GPRIN2: variants seen among roughly 807,000 people sequenced by gnomAD.
GPRIN2 encodes G protein-regulated inducer of neurite outgrowth 2.
Under a neutral mutation model 0.3 loss-of-function variants are expected in GPRIN2, and 1 was observed. The observed-to-expected ratio is 3.90, with a 90% CI of 1.39 to 18.51. The LOEUF is 18.51. Among genes scored for constraint, GPRIN2 ranks in the 30% most tolerant of loss-of-function variants. GPRIN2 has a pLI of 0.11. For synonymous variants in GPRIN2, 361 were observed against 258.6 expected (o/e 1.40, Z -3.80); for missense variants, 880 against 604.2 (o/e 1.46, Z -4.79).
intron 1 of GPRIN2, among the ~76,000 whole-genome samples, chr10:46,556,168 T>G (rs1831850005): frequency 0.84 from 127,958 of 151,768 alleles, 52,075 homozygotes; most frequent in East Asian, 0.95. Flanking sequence ...GGCGGCGCAG[T>G]AGGCTGAGGG....
intron 2 of GPRIN2, among the ~76,000 whole-genome samples, chr10:46,552,492 G>A (rs1832121157): frequency 1.0e-3 from 158 of 152,306 alleles, no homozygotes; most frequent in African/African-American, 3.7e-3. Context: ...AGGGCTGTGG[G>A]ACTCGGTTTC....
rs1441282019 is a variant in GPRIN2 at position 46,546,187 on chromosome 10, G to C, written c.*3173C>G. The stretch of plus-strand genomic sequence containing the variant: ...TGAGTTTCTTGTGACAGTGATGGCA[G>C]CCTGGGGCCAGACAAGGGATGCGTG... On this transcript the variant is annotated 3_prime_UTR_variant, in exon 3 of 3. Coordinates refer to ENST00000374314, the MANE Select transcript of GPRIN2 (RefSeq NM_001385282.1). Among the ~76,000 whole-genome samples the C allele has an allele frequency of 5.9e-5, 9 of 152,292 alleles. No homozygotes were observed. Among genetic ancestry groups the C allele is most frequent in the African/African-American group, 2.2e-4 (9 of 41,472 alleles).
In GPRIN2 at chr10:46,547,138, C is replaced by T. The variant is rs1170865336; in HGVS notation, c.*2222G>A. 6.6e-6 allele frequency among the ~76,000 whole-genome samples: 1 copy of T among 152,306 alleles called. No individual in the cohort carries two copies. Among genetic ancestry groups the T allele is most frequent in the Admixed American group, 6.5e-5 (1 of 15,292 alleles). On this transcript the variant is annotated 3_prime_UTR_variant, in exon 3 of 3. Coordinates refer to ENST00000374314, the MANE Select transcript of GPRIN2 (RefSeq NM_001385282.1). ...TTGACCCAGGTAGTGGCCTCACCCT[C>T]CTCTTGCTCAAACTGGAAACCTCAG... is the stretch of plus-strand genomic sequence containing the variant.
chr10:46,546,388 G>T lies in GPRIN2; in HGVS notation c.*2972C>A, dbSNP rs1832904424. On this transcript the variant is annotated 3_prime_UTR_variant, in exon 3 of 3. Transcript: ENST00000374314. ...TGAGGCAAGGGGCTCTAGGACTCCA[G>T]GGTTTATGCTCCAAAGAACAGAATT... Among the ~76,000 whole-genome samples the T allele has an allele frequency of 4.6e-5, 7 of 152,378 alleles. No individual in the cohort carries two copies. Among genetic ancestry groups the T allele is most frequent in the Middle Eastern group, 3.4e-3 (1 of 294 alleles).
chr10:46,551,012 G>A (rs1832223670), intron 2 of GPRIN2, among the ~76,000 whole-genome samples: 1 of 152,426 alleles, frequency 6.6e-6, no homozygotes, highest in South Asian at 2.1e-4. Flanking sequence ...GTGGGGTCCT[G>A]GAGGCCGCCA....
In GPRIN2 at chr10:46,549,974, T is replaced by G. The variant is rs1832533496; in HGVS notation, c.763A>C (p.Ile255Leu). 2.5e-6 allele frequency: 4 copies of G among 1,614,242 alleles called. No homozygotes were observed. The highest frequency in any genetic ancestry group is 3.4e-6 in the Non-Finnish European group (4 of 1,180,050). Residue 255 changes from isoleucine (I) to leucine (L), a missense_variant, in exon 3 of 3, where the codon ATC becomes CTC. Physicochemically the swap from Ile to Leu is conservative, Grantham distance 5. Coordinates refer to ENST00000374314, the MANE Select transcript of GPRIN2 (RefSeq NM_001385282.1). ...GCCHALPATGILAFPKLVASV... is the reference protein window; with the variant it reads ...GCCHALPATGLLAFPKLVASV... The stretch of plus-strand genomic sequence containing the variant: ...GCCACTAGTTTGGGAAAGGCCAGGA[T>G]CCCTGTGGCAGGTAGGGCATGGCAG...
Position 46,550,552 on chromosome 10 carries a change from G to A in GPRIN2, c.185C>T (p.Pro62Leu), listed in dbSNP as rs1772249329. The A allele has an allele frequency of 8.8e-6, 14 of 1,587,174 alleles. No homozygotes were observed. Among genetic ancestry groups the A allele is most frequent in the Middle Eastern group, 1.7e-4 (1 of 5,944 alleles). The change falls in exon 3 of 3, where the codon CCG becomes CTG. Residue 62 changes from proline to leucine, a missense_variant. Pro to Leu is a moderately conservative substitution (Grantham distance 98). Transcript: ENST00000374314. ...LGEASTRPQA[P>L]EEEGNPPESM... The stretch of plus-strand genomic sequence containing the variant: ...CTCAGGCGGGTTCCCCTCTTCCTCC[G>A]GGGCCTGGGGTCTGGTGCTGGCCTC...
In GPRIN2 at chr10:46,544,455, C is replaced by G. The variant is rs1841986558; in HGVS notation, c.*4905G>C. ...CTTCCCACCTCAACCCCCTGAGTAGCTGAGGCTACAGATGCACACCACCAT... is the reference window on the plus strand; with the variant it reads ...CTTCCCACCTCAACCCCCTGAGTAGGTGAGGCTACAGATGCACACCACCAT... On this transcript the variant is annotated 3_prime_UTR_variant, in exon 3 of 3. Transcript: ENST00000374314. Among the ~76,000 whole-genome samples the G allele has an allele frequency of 6.6e-6, 1 of 152,310 alleles. No homozygotes were observed. Among genetic ancestry groups the G allele is most frequent in the South Asian group, 2.1e-4 (1 of 4,838 alleles).
At chr10:46,554,087 C>T (rs1842906269) in intron 2 of GPRIN2, among the ~76,000 whole-genome samples, 1 of 152,310 alleles carries the variant, frequency 6.6e-6, no homozygotes, top group African/African-American at 2.4e-5. Flanking sequence ...AAATAAATCC[C>T]CACCCTGCAG....
In GPRIN2 at chr10:46,549,127, G is replaced by A. The variant is rs1381651739; in HGVS notation, c.*233C>T. ...CTAAAGCCCTGTCTCAAAGTTCAGA[G>A]CCCGGAAGGTGCAGAGATGTGGCCC... On this transcript the variant is annotated 3_prime_UTR_variant, in exon 3 of 3. Transcript: ENST00000374314. 5 of 507,402 alleles carry A rather than the reference G, an allele frequency of 9.9e-6. No individual in the cohort carries two copies. Among genetic ancestry groups the A allele is most frequent in the Non-Finnish European group, 1.7e-5 (5 of 293,658 alleles). 31.4% of individuals were successfully genotyped at this position (507,402 alleles called of 1,614,324 possible).
chr10:46,550,675 A>C lies in GPRIN2; in HGVS notation c.62T>G (p.Leu21Arg). Residue 21 changes from leucine to arginine, a missense_variant, in exon 3 of 3, where the codon CTG becomes CGG. Leu to Arg is a moderately radical substitution (Grantham distance 102, BLOSUM62 -2). Transcript: ENST00000374314. ...WAPLSPRLQP[L>R]SQSSSSLLGE... ...CAGCAGGCTGGAAGAGCTCTGGGAC[A>C]GGGGCTGAAGGCGGGGGCTCAGGGG... The C allele has an allele frequency of 6.6e-7, 1 of 1,520,292 alleles. No individual in the cohort carries two copies. Among genetic ancestry groups the C allele is most frequent in the Non-Finnish European group, 8.8e-7 (1 of 1,136,952 alleles). 94.2% of individuals were successfully genotyped at this position (1,520,292 alleles called of 1,614,324 possible). A position where few individuals can be genotyped will look rare whatever the true frequency, so the allele number is the denominator to read the frequency against.
rs1250295561 is a variant in GPRIN2, at chr10:46,549,637, G to A, written c.1100C>T (p.Thr367Ile). ...PAALHVFPEV[T>I]LGSSLEEVPS... is the part of the protein sequence containing the mutation. ...CACCTCCTCCAGGCTGGACCCCAGA[G>A]TTACCTCTGGGAACACATGCAGGGC... The change falls in exon 3 of 3, where the codon ACT (threonine) becomes ATT (isoleucine). Residue 367 changes from threonine (T) to isoleucine (I), a missense_variant. By Grantham distance (89) the Thr-to-Ile change is moderately conservative (BLOSUM62 -1). Coordinates refer to ENST00000374314, the MANE Select transcript of GPRIN2 (RefSeq NM_001385282.1). 2 of 1,614,140 alleles carry A rather than the reference G, an allele frequency of 1.2e-6. No individual in the cohort carries two copies. The highest frequency in any genetic ancestry group is 1.7e-6 in the Non-Finnish European group (2 of 1,180,032).
At position 46,549,001 on chromosome 10, in the gene GPRIN2, G is replaced by A. The variant is rs1832772978; in HGVS notation, c.*359C>T. On this transcript the variant is annotated 3_prime_UTR_variant, in exon 3 of 3. Coordinates refer to ENST00000374314, the MANE Select transcript of GPRIN2 (RefSeq NM_001385282.1). ...TTTCTCAGCACTGATTTCAAATAAAGCCACCAAGAGTCTGACGAGGCAACA... is the reference window on the plus strand; with the variant it reads ...TTTCTCAGCACTGATTTCAAATAAAACCACCAAGAGTCTGACGAGGCAACA... 1.5e-4 allele frequency: 51 copies of A among 338,540 alleles called. No homozygotes were observed. Among genetic ancestry groups the A allele is most frequent in the African/African-American group, 9.7e-4 (46 of 47,192 alleles). 21.0% of individuals were successfully genotyped at this position (338,540 alleles called of 1,614,324 possible).
At chr10:46,557,084 G>C (rs1043912979), upstream of GPRIN2, among the ~76,000 whole-genome samples, 1 of 147,684 alleles carries the variant, frequency 6.8e-6, no homozygotes, top group East Asian at 2.1e-4. Flanking sequence ...TCTCCGCGCC[G>C]GCGGCTACCC....
Position 46,556,511 on chromosome 10 carries a change from G to T in GPRIN2, c.-131C>A. On this transcript the variant is annotated 5_prime_UTR_variant, in exon 1 of 3. Transcript: ENST00000374314. ...CCAGCCTCTCACCCTCTCGCCCGCC[G>T]GGGCCGCGCAGGCGGGGGAAGCGCT... Among the ~76,000 whole-genome samples the T allele has an allele frequency of 6.6e-6, 1 of 152,280 alleles. No individual in the cohort carries two copies. The highest frequency in any genetic ancestry group is 2.1e-4 in the South Asian group (1 of 4,834).
At chr10:46,552,879 A>G (rs1215260618) in intron 2 of GPRIN2, among the ~76,000 whole-genome samples, 2 of 152,304 alleles carry the variant, frequency 1.3e-5, no homozygotes, top group Non-Finnish European at 2.9e-5. Context: ...AGGATCAGGA[A>G]GAGGAGGAGT....
In GPRIN2 at chr10:46,547,245, C is replaced by T. The variant is rs1036615977; in HGVS notation, c.*2115G>A. 8.5e-5 allele frequency among the ~76,000 whole-genome samples: 13 copies of T among 152,412 alleles called. No individual in the cohort carries two copies. Among genetic ancestry groups the T allele is most frequent in the Non-Finnish European group, 1.5e-4 (10 of 68,042 alleles). ...TGTGTGTGCACGTGTATGAACCCAG[C>T]CCCCAGCTGCCCACTCCATTGCCCC... On this transcript the variant is annotated 3_prime_UTR_variant, in exon 3 of 3. Coordinates refer to ENST00000374314, the MANE Select transcript of GPRIN2 (RefSeq NM_001385282.1).
At chr10:46,551,407 G>A (rs1274199759) in intron 2 of GPRIN2, 1 of 985,406 alleles carries the variant, frequency 1.0e-6, no homozygotes, top group Non-Finnish European at 1.2e-6. Flanking sequence ...GGGGTTCCCT[G>A]ACTCCTACCT....
intron 2 of GPRIN2, 127 bp downstream of exon 2, chr10:46,554,458 C>T (rs895950924): frequency 1.3e-5 from 2 of 152,804 alleles, no homozygotes; most frequent in African/African-American, 4.8e-5. Context: ...GCACACCCAC[C>T]CTGCCTTTAT....
Sources: allele counts gnomAD v4.1 joint callset (sites outside exome capture counted in the v4.1 genomes callset), GRCh38; gene constraint gnomAD v4.1.1; transcripts MANE v1.5; gene names NCBI Gene and HGNC (gene_info 2026-07-23, HGNC 2026-07-21).